SNAP25: variants seen among roughly 807,000 people sequenced by gnomAD.
SNAP25 encodes synaptosome associated protein 25.
SNAP25 carries 3 observed loss-of-function variants against 28.7 expected under a neutral mutation model. The ratio of observed to expected loss-of-function variants is 0.10; its 90% confidence interval spans 0.05 to 0.27. SNAP25 has a LOEUF of 0.27. SNAP25 is among the 10% of genes least tolerant of loss of function. The pLI is 1.00. For synonymous variants in SNAP25, 61 were observed against 88.1 expected (o/e 0.69, Z 1.72); for missense variants, 117 against 278.7 (o/e 0.42, Z 4.13).
At chr20:10,221,414 G>A (rs2062631704) in intron 1 of SNAP25, among the ~76,000 whole-genome samples, 1 of 152,092 alleles carries the variant, frequency 6.6e-6, no homozygotes, top group African/African-American at 2.4e-5. Context: ...TCATTGACAA[G>A]CTTCCAGGGA....
At chr20:10,242,153 A>G (rs1010441344) in intron 1 of SNAP25, among the ~76,000 whole-genome samples, 4 of 152,286 alleles carry the variant, frequency 2.6e-5, no homozygotes, top group Middle Eastern at 3.4e-3. Context: ...AATGCAGCAG[A>G]ATGTATACGC....
intron 1 of SNAP25, among the ~76,000 whole-genome samples, chr20:10,229,101 G>A (rs933562304): frequency 6.6e-6 from 1 of 152,022 alleles, no homozygotes; most frequent in African/African-American, 2.4e-5. Context: ...TTAACATCTT[G>A]TATTTTAAAG....
At chr20:10,230,928 T>C (rs2062818687) in intron 1 of SNAP25, among the ~76,000 whole-genome samples, 1 of 152,182 alleles carries the variant, frequency 6.6e-6, no homozygotes, top group Non-Finnish European at 1.5e-5. Flanking sequence ...CTGGCTCCTT[T>C]ATTGTGCTTT....
At position 10,275,566 on chromosome 20, in the gene SNAP25, A is replaced by G; in HGVS notation, c.72+3A>G. ...GGGCTGACCAGTTGGCTGATGAGGT[A>G]AGGAGTGGAGACCTAGGAAGGGAGG... is the stretch of plus-strand genomic sequence containing the variant. On this transcript the variant is annotated splice_donor_region_variant and intron_variant, in intron 2 of 7. Transcript: ENST00000254976. 6.3e-7 allele frequency: 1 copy of G among 1,595,650 alleles called. No individual in the cohort carries two copies.
intron 4 of SNAP25, among the ~76,000 whole-genome samples, chr20:10,285,159 T>C (rs2063851993): frequency 6.6e-6 from 1 of 152,212 alleles, no homozygotes; most frequent in African/African-American, 2.4e-5. Context: ...AATGAGCGTA[T>C]GGCATATCAT....
intron 3 of SNAP25, among the ~76,000 whole-genome samples, chr20:10,282,202 A>C (rs2063791988): frequency 6.6e-6 from 1 of 150,826 alleles, no homozygotes; most frequent in African/African-American, 2.4e-5. Flanking sequence ...GAAGGAAGGA[A>C]GGAAGGAAGG....
chr20:10,219,302 A>C (rs1329453605), intron 1 of SNAP25: 1 of 152,352 alleles, frequency 6.6e-6, no homozygotes, highest in African/African-American at 2.4e-5. Context: ...AGAGATATTT[A>C]GGCTGTTGAG....
chr20:10,231,095 G>A (rs1049576067), intron 1 of SNAP25, among the ~76,000 whole-genome samples: 1 of 151,994 alleles, frequency 6.6e-6, no homozygotes, highest in Non-Finnish European at 1.5e-5. Flanking sequence ...CAGTGCAAAG[G>A]ATAAAGGAGT....
Position 10,298,721 on chromosome 20 carries a change from G to T in SNAP25, c.408-547G>T, listed in dbSNP as rs577706777. ...TCCTGGGAGCAAGCAGGGTTAAGGGGCAAACTGTAATTATCATTACTCTTC... is the reference window on the plus strand; with the variant it reads ...TCCTGGGAGCAAGCAGGGTTAAGGGTCAAACTGTAATTATCATTACTCTTC... On this transcript the variant is annotated intron_variant, in intron 6 of 7. Transcript: ENST00000254976. Among the ~76,000 whole-genome samples the T allele has an allele frequency of 4.6e-5, 7 of 152,230 alleles. No homozygotes were observed. The South Asian group carries it at 8.3e-4, about 18-fold the overall frequency.
Position 10,289,683 on chromosome 20 carries a change from C to T in SNAP25, c.164-3478C>T, listed in dbSNP as rs150697018. ...AAAATGAAATTCATAGAGGCAGCAT[C>T]TTGTAACTGGATATACTCATGAAGG... On this transcript the variant is annotated intron_variant, in intron 4 of 7. Transcript: ENST00000254976. Among the ~76,000 whole-genome samples the T allele has an allele frequency of 4.6e-3, 679 of 147,942 alleles. 6 individuals carry two copies. The highest frequency in any genetic ancestry group is 0.016 in the African/African-American group (641 of 39,832).
chr20:10,261,309 G>A (rs1373848464), intron 1 of SNAP25, among the ~76,000 whole-genome samples: 1 of 152,094 alleles, frequency 6.6e-6, no homozygotes, highest in African/African-American at 2.4e-5. Flanking sequence ...CAGATCCCAG[G>A]ATAAAGGTAC....
chr20:10,290,833 G>A (rs3025875), intron 4 of SNAP25, among the ~76,000 whole-genome samples: 1 of 152,068 alleles, frequency 6.6e-6, no homozygotes, highest in South Asian at 2.1e-4. Flanking sequence ...CATTCCCAGA[G>A]GCCATTAGCA....
chr20:10,270,985 G>C (rs2063583078), intron 1 of SNAP25, among the ~76,000 whole-genome samples: 1 of 152,150 alleles, frequency 6.6e-6, no homozygotes, highest in Non-Finnish European at 1.5e-5. Flanking sequence ...CTGGTGATTT[G>C]AGATAATTAA....
At chr20:10,251,476 T>G (rs1247000376) in intron 1 of SNAP25, among the ~76,000 whole-genome samples, 1 of 152,144 alleles carries the variant, frequency 6.6e-6, no homozygotes, top group African/African-American at 2.4e-5. Flanking sequence ...GATGATATTA[T>G]GGCAAAAGAA....
At chr20:10,290,697 C>T (rs1306641525) in intron 4 of SNAP25, among the ~76,000 whole-genome samples, 3 of 151,954 alleles carry the variant, frequency 2.0e-5, no homozygotes, top group Non-Finnish European at 2.9e-5. Context: ...AGAAACTCCT[C>T]AAGAAAGACA....
At chr20:10,256,233 A>G (rs2063316849) in intron 1 of SNAP25, among the ~76,000 whole-genome samples, 1 of 152,252 alleles carries the variant, frequency 6.6e-6, no homozygotes, top group African/African-American at 2.4e-5. Flanking sequence ...TGAAACCTTC[A>G]TGTGCATCTT....
chr20:10,232,726 A>G (rs1294905563), intron 1 of SNAP25, among the ~76,000 whole-genome samples: 1 of 152,226 alleles, frequency 6.6e-6, no homozygotes, highest in Non-Finnish European at 1.5e-5. Context: ...ACCTTCTAGT[A>G]GAGAAAGACA....
At chr20:10,279,294 C>T (rs2123029940) in intron 3 of SNAP25, among the ~76,000 whole-genome samples, 1 of 152,250 alleles carries the variant, frequency 6.6e-6, no homozygotes, top group South Asian at 2.1e-4. Flanking sequence ...TGAAGGGAGC[C>T]TAGAAATCAA....
At chr20:10,276,585 A>G (rs1960404568) in intron 2 of SNAP25, among the ~76,000 whole-genome samples, 1 of 152,144 alleles carries the variant, frequency 6.6e-6, no homozygotes, top group Non-Finnish European at 1.5e-5. Flanking sequence ...TCATTGTTTA[A>G]TTTTCTTCTT....
Sources: allele counts gnomAD v4.1 joint callset (sites outside exome capture counted in the v4.1 genomes callset), GRCh38; gene constraint gnomAD v4.1.1; transcripts MANE v1.5; gene names NCBI Gene and HGNC (gene_info 2026-07-23, HGNC 2026-07-21).